DPH6: variants seen among roughly 807,000 people sequenced by gnomAD.
DPH6 encodes the protein diphthamine biosynthesis 6.
Under a neutral mutation model 38.2 loss-of-function variants are expected in DPH6, and 33 were observed. That is an observed-to-expected ratio of 0.86 (90% CI 0.65 to 1.15). The LOEUF (loss-of-function observed/expected upper bound fraction) is 1.15, where lower values mean the gene tolerates loss of function less well. Among genes scored for constraint, DPH6 ranks in the 50% most tolerant of loss-of-function variants. The pLI is 0.00. For synonymous variants in DPH6, 108 were observed against 103.0 expected (o/e 1.05, Z -0.30); for missense variants, 325 against 320.0 (o/e 1.02, Z -0.12).
At chr15:35,314,166 A>T (rs1372860982) in intron 3 of DPH6, among the ~76,000 whole-genome samples, 2 of 152,162 alleles carry the variant, frequency 1.3e-5, no homozygotes, top group Non-Finnish European at 2.9e-5. Flanking sequence ...AAAAGAGGAC[A>T]TACAAATGGT....
rs184237897 is a variant in DPH6 at position 35,249,687 on chromosome 15, G to A, written n.201-29105C>T. Among the ~76,000 whole-genome samples, 8 of 152,192 alleles carry A rather than the reference G, an allele frequency of 5.3e-5. 1 individual carries two copies. The highest frequency in any genetic ancestry group is 3.3e-4 in the Admixed American group (5 of 15,276). On this transcript the variant is annotated intron_variant and non_coding_transcript_variant, in intron 3 of 3. Transcript: ENST00000560386. ...AATATGCCACTCCAATTTTGGAGTC[G>A]AAGAACTTTAAAAATAGCATATTAG...
chr15:35,430,408 T>C (rs984785178), intron 5 of DPH6, among the ~76,000 whole-genome samples: 30 of 133,012 alleles, frequency 2.3e-4, no homozygotes, highest in African/African-American at 8.4e-4. Flanking sequence ...AAAAAAAAAA[T>C]GCAATTATTG....
At chr15:35,436,488 AC>A (rs1286029265) in intron 5 of DPH6, among the ~76,000 whole-genome samples, 434 of 39,596 alleles carry the variant, frequency 0.011, 25 homozygotes, top group African/African-American at 0.025. Flanking sequence ...CAAAAACAAA[AC>A]AAAACAAAAC....
the DPH6 span, among the ~76,000 whole-genome samples, chr15:35,202,770 G>C: frequency 6.6e-6 from 1 of 151,726 alleles, no homozygotes; most frequent in African/African-American, 2.4e-5. Flanking sequence ...TCAGTATCTG[G>C]TCATTCAGTG....
intron 5 of DPH6, among the ~76,000 whole-genome samples, chr15:35,445,281 T>C (rs1226220761): frequency 6.6e-6 from 1 of 151,892 alleles, no homozygotes; most frequent in African/African-American, 2.4e-5. Context: ...TATACCTAGG[T>C]AGATGTCTTA....
chr15:35,325,091 G>T (rs753571189), intron 3 of DPH6, among the ~76,000 whole-genome samples: 3 of 152,048 alleles, frequency 2.0e-5, no homozygotes, highest in African/African-American at 4.8e-5. Flanking sequence ...GGATTTGAAG[G>T]TTCCTTAGCA....
chr15:35,537,934 G>A (rs2055195737), intron 3 of DPH6: 2 of 164,124 alleles, frequency 1.2e-5, no homozygotes, highest in East Asian at 1.7e-4. Flanking sequence ...AGCACTATAT[G>A]CCAGGCATAT....
the DPH6 span, among the ~76,000 whole-genome samples, chr15:35,210,676 A>G: frequency 1.3e-5 from 2 of 152,126 alleles, no homozygotes; most frequent in African/African-American, 4.8e-5. Flanking sequence ...ATAATATCAT[A>G]ATATATGCCC....
the DPH6 span, among the ~76,000 whole-genome samples, chr15:35,183,668 AG>A: frequency 3.0e-3 from 454 of 152,350 alleles, no homozygotes; most frequent in Non-Finnish European, 4.4e-3. Context: ...AACATTCAGT[AG>A]CATGATTGTT....
the DPH6 span, among the ~76,000 whole-genome samples, chr15:35,198,924 T>C: frequency 1.3e-5 from 2 of 152,106 alleles, no homozygotes; most frequent in South Asian, 4.1e-4. Flanking sequence ...CTTCTTCTTT[T>C]TTTTTTTAGA....
At chr15:35,391,269 A>G (rs1267984816) in intron 6 of DPH6, among the ~76,000 whole-genome samples, 1 of 152,180 alleles carries the variant, frequency 6.6e-6, no homozygotes, top group East Asian at 1.9e-4. Context: ...GGTGCCTCCC[A>G]GTTAGGCTAC....
chr15:35,471,811 A>T (rs956144603), intron 3 of DPH6, among the ~76,000 whole-genome samples: 8 of 149,006 alleles, frequency 5.4e-5, no homozygotes, highest in Non-Finnish European at 1.5e-5. Context: ...ATTTCTTGAT[A>T]TACTTTACAC....
chr15:35,366,898 T>A (rs745338620), downstream of DPH6, among the ~76,000 whole-genome samples: 4 of 151,978 alleles, frequency 2.6e-5, no homozygotes, highest in Non-Finnish European at 5.9e-5. Context: ...TATAGTAGAT[T>A]CCATGTAGAC....
At chr15:35,328,981 T>G (rs1202956092), downstream of DPH6, among the ~76,000 whole-genome samples, 1 of 152,152 alleles carries the variant, frequency 6.6e-6, no homozygotes, top group Non-Finnish European at 1.5e-5. Context: ...TCAGATGTCA[T>G]AAGACTTATT....
At chr15:35,293,633 T>C (rs1718262410) in intron 3 of DPH6, among the ~76,000 whole-genome samples, 2 of 152,190 alleles carry the variant, frequency 1.3e-5, no homozygotes, top group African/African-American at 4.8e-5. Flanking sequence ...AAGATGAAAC[T>C]CAGTGATTGC....
the DPH6 span, among the ~76,000 whole-genome samples, chr15:35,208,879 G>T: frequency 6.6e-6 from 1 of 152,088 alleles, no homozygotes; most frequent in Non-Finnish European, 1.5e-5. Flanking sequence ...TGGGAGACTT[G>T]ATTCTAATAA....
At chr15:35,378,723 A>T (rs1399177051) in intron 7 of DPH6, among the ~76,000 whole-genome samples, 3 of 152,008 alleles carry the variant, frequency 2.0e-5, no homozygotes. Flanking sequence ...ACTATCACAA[A>T]AACAGAAAAC....
chr15:35,166,177 G>A, the DPH6 span, among the ~76,000 whole-genome samples: 2 of 151,862 alleles, frequency 1.3e-5, no homozygotes, highest in African/African-American at 4.8e-5. Context: ...CCTCTCATGT[G>A]GGAGGTGCCC....
chr15:35,433,445 A>G (rs912742039), intron 5 of DPH6, among the ~76,000 whole-genome samples: 1 of 152,254 alleles, frequency 6.6e-6, no homozygotes, highest in African/African-American at 2.4e-5. Flanking sequence ...CATCTGGCTA[A>G]TAATGAAACT....
Sources: allele counts gnomAD v4.1 joint callset (sites outside exome capture counted in the v4.1 genomes callset), GRCh38; gene constraint gnomAD v4.1.1; transcripts MANE v1.5; gene names NCBI Gene and HGNC (gene_info 2026-07-23, HGNC 2026-07-21).